The following OLAH variants were observed in gnomAD, a reference collection of about 807,000 sequenced individuals.
OLAH encodes oleoyl-ACP hydrolase.
A neutral mutation model predicts 27.8 loss-of-function variants in OLAH; 33 were observed. That is an observed-to-expected ratio of 1.19 (90% CI 0.90 to 1.59). OLAH has a LOEUF of 1.59. Ranked by LOEUF, OLAH falls within the 40% of genes most tolerant of loss-of-function variation. OLAH has a pLI of 0.00. For missense variants in OLAH, 359 were observed against 310.8 expected (o/e 1.16, Z -1.17); for synonymous variants, 120 against 102.9 (o/e 1.17, Z -1.01).
upstream of OLAH, among the ~76,000 whole-genome samples, chr10:15,040,676 CATT>C (rs1843906515): frequency 1.7e-5 from 2 of 116,182 alleles, no homozygotes; most frequent in African/African-American, 3.0e-5. Flanking sequence ...TACTCCTATT[CATT>C]CATTTATTGT....
chr10:15,047,208 C>T lies in OLAH; in HGVS notation c.-81C>T. 6.9e-7 allele frequency: 1 copy of T among 1,455,340 alleles called. No homozygotes were observed. The allele number at this position is 1,455,340 out of a possible 1,614,324, so 90.2% of individuals were successfully genotyped here. A position where few individuals can be genotyped will look rare whatever the true frequency, so the allele number is the denominator to read the frequency against. ...GTGTGCATAAGGCCGAGCAGAGGTT[C>T]TTCGTCTCAAGAGGAACTGACTTCT... On this transcript the variant is annotated 5_prime_UTR_variant, in exon 2 of 8. Transcript: ENST00000378228.
chr10:15,063,498 G>T (rs1844408343), intron 4 of OLAH, among the ~76,000 whole-genome samples: 1 of 152,192 alleles, frequency 6.6e-6, no homozygotes, highest in African/African-American at 2.4e-5. Context: ...TGAACATGGT[G>T]CTGAGTTTCC....
chr10:15,056,533 A>C (rs1400778175), intron 3 of OLAH, among the ~76,000 whole-genome samples: 1 of 152,214 alleles, frequency 6.6e-6, no homozygotes, highest in East Asian at 1.9e-4. Context: ...TACAAGTAAG[A>C]TTAGACATTT....
At chr10:15,063,189 C>A (rs1278277060) in intron 4 of OLAH, among the ~76,000 whole-genome samples, 1 of 152,192 alleles carries the variant, frequency 6.6e-6, no homozygotes, top group South Asian at 2.1e-4. Flanking sequence ...GGCAGTGGTG[C>A]AATCATGGCT....
chr10:15,061,726 C>T lies in OLAH; in HGVS notation c.166C>T (p.His56Tyr), dbSNP rs1589249564. 1.2e-6 allele frequency: 2 copies of T among 1,604,504 alleles called. No individual in the cohort carries two copies. Among genetic ancestry groups the T allele is most frequent in the Non-Finnish European group, 1.7e-6 (2 of 1,176,194 alleles). ...GQDTHDLLEV[H>Y]SLRLPGRESR... ...CACTTGTGTTTCTCCATCTCCAGTG[C>T]ACTCCTTAAGGCTTCCTGGAAGAGA... The change falls in exon 4 of 8, where the codon CAC becomes TAC. Residue 56 changes from histidine to tyrosine, a missense_variant and splice_region_variant. Physicochemically the swap from His to Tyr is moderately conservative, Grantham distance 83. Transcript: ENST00000378228.
At position 15,034,243 on chromosome 10, in the gene OLAH, C is replaced by T. The variant is rs141139892; in HGVS notation, c.-164+1893C>T. On this transcript the variant is annotated intron_variant, in intron 1 of 3. Coordinates refer to the OLAH transcript ENST00000413672. Reference sequence around the variant, plus strand: ...ATTCTCCTGGGTTCAAGAGATTCTCCTGCCTCAGCCTTCCAAGTAGCTGGG... The same window carrying T: ...ATTCTCCTGGGTTCAAGAGATTCTCTTGCCTCAGCCTTCCAAGTAGCTGGG... 5.9e-3 allele frequency among the ~76,000 whole-genome samples: 896 copies of T among 152,016 alleles called. 6 individuals are homozygous for T. The highest frequency in any genetic ancestry group is 0.02 in the African/African-American group (833 of 41,450).
intron 4 of OLAH, 69 bp downstream of exon 4, chr10:15,061,931 T>A (rs749673536): frequency 6.7e-7 from 1 of 1,485,868 alleles, no homozygotes; most frequent in Admixed American, 1.9e-5. Flanking sequence ...TTAATGTTAT[T>A]CTTTGTGTTT....
At chr10:15,072,861 G>C (rs1026708544) in intron 7 of OLAH, among the ~76,000 whole-genome samples, 1 of 152,078 alleles carries the variant, frequency 6.6e-6, no homozygotes, top group African/African-American at 2.4e-5. Flanking sequence ...GGTGACCTTA[G>C]CCATTAGGCT....
intron 3 of OLAH, among the ~76,000 whole-genome samples, chr10:15,057,782 G>C (rs1356160012): frequency 6.6e-6 from 1 of 152,002 alleles, no homozygotes; most frequent in Admixed American, 6.6e-5. Flanking sequence ...AGGGTAATTG[G>C]GATGTTTCCT....
chr10:15,034,460 A>G (rs1843809862), intron 1 of OLAH, among the ~76,000 whole-genome samples: 2 of 152,142 alleles, frequency 1.3e-5, no homozygotes, highest in Admixed American at 1.3e-4. Context: ...ACATTATTAG[A>G]ACTTCTTTGA....
upstream of OLAH, among the ~76,000 whole-genome samples, chr10:15,039,981 T>C (rs1284637443): frequency 6.6e-6 from 1 of 152,232 alleles, no homozygotes; most frequent in Admixed American, 6.5e-5. Context: ...AGCCTGTGCT[T>C]GGGTGGTCTT....
rs1844314980 is a variant in OLAH, at chr10:15,059,214, A to G, written c.164-2510A>G. Among the ~76,000 whole-genome samples, 3 of 123,912 alleles carry G rather than the reference A, an allele frequency of 2.4e-5. No homozygotes were observed. The East Asian group carries it at 7.1e-4, about 30-fold the overall frequency. 81.3% of individuals were successfully genotyped at this position (123,912 alleles called of 152,430 possible). A position where few individuals can be genotyped will look rare whatever the true frequency, so the allele number is the denominator to read the frequency against. ...CCTCCATCTGTCCATCCATCCGTCC[A>G]TCTCATCCTGTCTCCCAGCTTCAGT... On this transcript the variant is annotated intron_variant, in intron 3 of 7. Coordinates refer to ENST00000378228, the MANE Select transcript of OLAH (RefSeq NM_001039702.3).
chr10:15,072,454 G>T (rs919636914), intron 7 of OLAH, among the ~76,000 whole-genome samples: 17 of 152,124 alleles, frequency 1.1e-4, no homozygotes, highest in Non-Finnish European at 7.4e-5. Flanking sequence ...GACACCTAGT[G>T]TAAGAGTTAA....
chr10:15,062,973 G>A (rs11259455), intron 4 of OLAH, among the ~76,000 whole-genome samples: 21,039 of 151,988 alleles, frequency 0.14, 2,077 homozygotes, highest in African/African-American at 0.28. Flanking sequence ...TGCTGACCTC[G>A]AGTGATCCAC....
At chr10:15,054,605 A>G (rs567893228) in intron 3 of OLAH, among the ~76,000 whole-genome samples, 6 of 121,890 alleles carry the variant, frequency 4.9e-5, no homozygotes, top group Non-Finnish European at 9.1e-5. Flanking sequence ...GCCTTCTATG[A>G]CTACTACTTT....
At chr10:15,067,755 C>T (rs1055674111) in intron 6 of OLAH, among the ~76,000 whole-genome samples, 1 of 152,168 alleles carries the variant, frequency 6.6e-6, no homozygotes, top group Non-Finnish European at 1.5e-5. Context: ...TCGTTATCTC[C>T]CTGCTTTTTC....
intron 6 of OLAH, among the ~76,000 whole-genome samples, chr10:15,069,545 C>T (rs1281327559): frequency 3.9e-5 from 6 of 152,148 alleles, no homozygotes; most frequent in Admixed American, 1.3e-4. Context: ...TAATTGTTCT[C>T]GTCAACCCCT....
intron 4 of OLAH, chr10:15,062,105 T>C: frequency 5.3e-6 from 2 of 376,286 alleles, no homozygotes; most frequent in Non-Finnish European, 4.8e-6. Context: ...GCAGCTTACA[T>C]TCTATTTATT....
chr10:15,046,215 G>A (rs1370150433), intron 1 of OLAH, among the ~76,000 whole-genome samples: 2 of 151,130 alleles, frequency 1.3e-5, no homozygotes, highest in Non-Finnish European at 2.9e-5. Flanking sequence ...GCGCAGTGGT[G>A]GGCACCTATA....
Sources: allele counts gnomAD v4.1 joint callset (sites outside exome capture counted in the v4.1 genomes callset), GRCh38; gene constraint gnomAD v4.1.1; transcripts MANE v1.5; gene names NCBI Gene and HGNC (gene_info 2026-07-23, HGNC 2026-07-21).